MND1: variants seen among roughly 807,000 people sequenced by gnomAD.
MND1 encodes the protein meiotic nuclear division protein 1 homolog.
Under a neutral mutation model 35.1 loss-of-function variants are expected in MND1, and 28 were observed. The observed-to-expected ratio is 0.80, with a 90% CI of 0.59 to 1.09. The LOEUF (loss-of-function observed/expected upper bound fraction) is 1.09. Ranked by LOEUF, MND1 falls within the 50% of genes least tolerant of loss-of-function variation. MND1 has a pLI of 0.00. For missense variants in MND1, 213 were observed against 239.6 expected (o/e 0.89, Z 0.73); for synonymous variants, 69 against 70.5 (o/e 0.98, Z 0.11).
At chr4:153,395,587 AG>A (rs1410857680) in intron 5 of MND1, among the ~76,000 whole-genome samples, 1 of 152,192 alleles carries the variant, frequency 6.6e-6, no homozygotes, top group Non-Finnish European at 1.5e-5. Context: ...CTGCTGGTAA[AG>A]AAGAAAAATA....
chr4:153,387,527 G>A (rs927839995), intron 4 of MND1, among the ~76,000 whole-genome samples: 12 of 152,128 alleles, frequency 7.9e-5, no homozygotes, highest in African/African-American at 2.9e-4. Flanking sequence ...GGAAAGCCAA[G>A]TCAGGAAGAT....
intron 4 of MND1, among the ~76,000 whole-genome samples, chr4:153,391,945 G>C (rs939834418): frequency 3.9e-5 from 6 of 152,064 alleles, no homozygotes; most frequent in Non-Finnish European, 8.8e-5. Context: ...TGCGTACTGA[G>C]AAGTGAAAGA....
chr4:153,374,355 T>C (rs1036463493), intron 4 of MND1, among the ~76,000 whole-genome samples: 4 of 152,180 alleles, frequency 2.6e-5, no homozygotes, highest in African/African-American at 9.6e-5. Flanking sequence ...AAGGAACTTG[T>C]AACCTGTGCT....
At chr4:153,395,917 A>G (rs950892) in intron 5 of MND1, among the ~76,000 whole-genome samples, 44,262 of 151,860 alleles carry the variant, frequency 0.29, 7,610 homozygotes, top group African/African-American at 0.48. Context: ...TAGAGATGGA[A>G]TATCTCTGTA....
At chr4:153,400,150 T>G (rs923630881) in intron 6 of MND1, among the ~76,000 whole-genome samples, 1 of 151,998 alleles carries the variant, frequency 6.6e-6, no homozygotes, top group African/African-American at 2.4e-5. Flanking sequence ...CTCAAGCAGT[T>G]CTCTCCCCTT....
intron 4 of MND1, among the ~76,000 whole-genome samples, chr4:153,375,478 A>G (rs1426806881): frequency 6.6e-6 from 1 of 152,154 alleles, no homozygotes; most frequent in African/African-American, 2.4e-5. Flanking sequence ...GTAACCACAG[A>G]TAAACAAAGC....
chr4:153,364,589 C>T (rs774307293), intron 4 of MND1, among the ~76,000 whole-genome samples: 5 of 151,808 alleles, frequency 3.3e-5, no homozygotes, highest in South Asian at 2.1e-4. Flanking sequence ...GCTATTTGTA[C>T]ACCCACATTC....
intron 4 of MND1, among the ~76,000 whole-genome samples, chr4:153,360,836 CAT>C (rs1020012560): frequency 9.2e-5 from 14 of 151,456 alleles, no homozygotes; most frequent in Non-Finnish European, 1.9e-4. Flanking sequence ...TATATATACA[CAT>C]GTATATATAA....
intron 4 of MND1, among the ~76,000 whole-genome samples, chr4:153,361,815 G>A (rs1313788031): frequency 6.6e-6 from 1 of 151,126 alleles, no homozygotes; most frequent in African/African-American, 2.4e-5. Context: ...TCCAGGCTGG[G>A]CAACAGAGCA....
chr4:153,404,726 G>A (rs1356837675), intron 6 of MND1, among the ~76,000 whole-genome samples: 8 of 151,932 alleles, frequency 5.3e-5, no homozygotes, highest in African/African-American at 1.9e-4. Context: ...TGATCTGCCC[G>A]CCTCGGCCTC....
chr4:153,395,702 A>G (rs968213794), intron 5 of MND1, among the ~76,000 whole-genome samples: 3 of 152,214 alleles, frequency 2.0e-5, no homozygotes, highest in Non-Finnish European at 2.9e-5. Flanking sequence ...GGCTACCGTT[A>G]CTGTCTCCAT....
intron 1 of MND1, chr4:153,345,403 G>C: frequency 3.0e-6 from 3 of 985,544 alleles, no homozygotes; most frequent in Non-Finnish European, 3.6e-6. Flanking sequence ...AGGAGTCGCT[G>C]CTCTTGTGCC....
intron 4 of MND1, among the ~76,000 whole-genome samples, chr4:153,389,846 G>A (rs1728970680): frequency 1.3e-5 from 2 of 152,078 alleles, no homozygotes; most frequent in Non-Finnish European, 2.9e-5. Context: ...TTTTAGTTGG[G>A]TTTGTTACTG....
chr4:153,399,126 TCTTA>T (rs1327446529), intron 6 of MND1, among the ~76,000 whole-genome samples: 3 of 152,194 alleles, frequency 2.0e-5, no homozygotes, highest in African/African-American at 7.2e-5. Flanking sequence ...CTTCATTTAC[TCTTA>T]CTTGCCTTTT....
intron 7 of MND1, among the ~76,000 whole-genome samples, chr4:153,413,714 A>T (rs1251162659): frequency 6.6e-6 from 1 of 150,710 alleles, no homozygotes; most frequent in African/African-American, 2.4e-5. Context: ...AAAAAAATCC[A>T]CTGTTCCTCC....
intron 4 of MND1, among the ~76,000 whole-genome samples, chr4:153,389,942 A>C (rs1401541160): frequency 6.6e-6 from 1 of 152,204 alleles, no homozygotes; most frequent in Non-Finnish European, 1.5e-5. Flanking sequence ...CATACTAGAA[A>C]TGCACATTAT....
chr4:153,378,888 T>C (rs1230453575), intron 4 of MND1, among the ~76,000 whole-genome samples: 1 of 152,230 alleles, frequency 6.6e-6, no homozygotes, highest in Non-Finnish European at 1.5e-5. Flanking sequence ...TCAACTTTCT[T>C]AGTGCATGTA....
At chr4:153,362,173 A>G (rs1036774809) in intron 4 of MND1, among the ~76,000 whole-genome samples, 1 of 152,004 alleles carries the variant, frequency 6.6e-6, no homozygotes, top group African/African-American at 2.4e-5. Flanking sequence ...ATACTGTTCT[A>G]TTTCATTATG....
intron 4 of MND1, chr4:153,362,912 A>G: frequency 4.4e-6 from 3 of 683,964 alleles, no homozygotes; most frequent in Non-Finnish European, 5.4e-6. Context: ...CATGTTTTAT[A>G]CAGGATGAGT....
Sources: gnomAD v4.1 joint callset for allele counts (sites outside exome capture counted in the v4.1 genomes callset) on GRCh38, gnomAD v4.1.1 for gene constraint, MANE v1.5 for transcripts, NCBI Gene and HGNC (gene_info 2026-07-23, HGNC 2026-07-21) for gene names.